FAM13A: variants seen among roughly 807,000 people sequenced by gnomAD.
FAM13A encodes the protein family with sequence similarity 13 member A, also known as protein FAM13A.
In FAM13A, 76 loss-of-function variants were observed where a neutral mutation model predicts 129.6. The ratio of observed to expected loss-of-function variants is 0.59; its 90% CI spans 0.49 to 0.71. The LOEUF (loss-of-function observed/expected upper bound fraction) is 0.71. FAM13A is among the 30% of genes least tolerant of loss of function. The probability of loss-of-function intolerance (pLI) is 0.00; values close to 1 mark genes in which losing one functional copy is unlikely to be tolerated. For missense variants in FAM13A, 1,108 were observed against 1,249.3 expected, an observed-to-expected ratio of 0.89 and a Z score of 1.70; for synonymous variants, 443 against 449.9, an observed-to-expected ratio of 0.98 and a Z score of 0.20.
At chr4:88,958,404 G>A (rs991083159) in intron 4 of FAM13A, among the ~76,000 whole-genome samples, 2 of 152,100 alleles carry the variant, frequency 1.3e-5, no homozygotes, top group Non-Finnish European at 2.9e-5. Context: ...ATACTTTGGA[G>A]CCTCTCACTG....
At chr4:88,805,956 C>T (rs1728471200) in intron 7 of FAM13A, among the ~76,000 whole-genome samples, 1 of 152,110 alleles carries the variant, frequency 6.6e-6, no homozygotes, top group Admixed American at 6.6e-5. Context: ...ACATGAGCCA[C>T]CATGCCTGGC....
chr4:89,045,987 G>A (rs1051960790), intron 1 of FAM13A, among the ~76,000 whole-genome samples: 1 of 144,100 alleles, frequency 6.9e-6, no homozygotes, highest in East Asian at 2.0e-4. Flanking sequence ...TTGCGCCATC[G>A]CACTCCAGCC....
intron 6 of FAM13A, among the ~76,000 whole-genome samples, chr4:88,876,623 GCT>G (rs1561226910): frequency 6.6e-6 from 1 of 151,366 alleles, no homozygotes; most frequent in African/African-American, 2.4e-5. Context: ...ACAGAGTCTC[GCT>G]CTGTCGCCGA....
intron 10 of FAM13A, 44 bp from the exon 11 acceptor site, chr4:88,781,395 T>C (rs1206337111): frequency 2.9e-6 from 4 of 1,382,746 alleles, no homozygotes; most frequent in Non-Finnish European, 4.0e-6. Context: ...AAAGATCAAA[T>C]GGTCATTGAA....
intron 13 of FAM13A, 99 bp downstream of exon 13, chr4:88,767,454 T>C (rs1745900595): frequency 1.3e-6 from 1 of 783,390 alleles, no homozygotes; most frequent in Non-Finnish European, 2.0e-6. Flanking sequence ...ATATTACTTA[T>C]CTCAATGTCC....
At chr4:88,993,863 G>T (rs907313879) in intron 3 of FAM13A, among the ~76,000 whole-genome samples, 1 of 151,960 alleles carries the variant, frequency 6.6e-6, no homozygotes, top group Admixed American at 6.6e-5. Context: ...AGCCAGGCAT[G>T]GTGGCTAATC....
intron 4 of FAM13A, among the ~76,000 whole-genome samples, chr4:88,945,964 CTGTGTGTG>C (rs763159585): frequency 1.4e-4 from 10 of 70,846 alleles, no homozygotes; most frequent in African/African-American, 6.1e-4. Context: ...CACATAGTAT[CTGTGTGTG>C]TGTGTGTGTG....
At chr4:89,001,354 C>T (rs756482487) in intron 3 of FAM13A, among the ~76,000 whole-genome samples, 3 of 152,100 alleles carry the variant, frequency 2.0e-5, no homozygotes, top group Non-Finnish European at 2.9e-5. Context: ...AATACGTAGA[C>T]ATCAAACCTT....
intron 3 of FAM13A, among the ~76,000 whole-genome samples, chr4:89,016,378 A>G (rs1400019041): frequency 6.6e-6 from 1 of 152,200 alleles, no homozygotes; most frequent in Non-Finnish European, 1.5e-5. Context: ...TAAAAAAGTT[A>G]CAGTAAGCTA....
intron 5 of FAM13A, among the ~76,000 whole-genome samples, chr4:88,930,238 G>T (rs1465581401): frequency 6.6e-6 from 1 of 152,108 alleles, no homozygotes; most frequent in East Asian, 1.9e-4. Context: ...GTGTCCTCTG[G>T]TGGTGTCCTA....
intron 4 of FAM13A, among the ~76,000 whole-genome samples, chr4:88,962,613 G>A (rs541097732): frequency 6.6e-6 from 1 of 152,148 alleles, no homozygotes; most frequent in Non-Finnish European, 1.5e-5. Context: ...TGGGCGGGGA[G>A]AGCGAGAGAG....
intron 5 of FAM13A, among the ~76,000 whole-genome samples, chr4:88,913,396 A>G (rs1749495362): frequency 7.2e-6 from 1 of 139,316 alleles, no homozygotes. Context: ...GGAGGAAGAC[A>G]AAGAAGAAGA....
At chr4:88,898,747 C>G (rs1199465973) in intron 6 of FAM13A, among the ~76,000 whole-genome samples, 1 of 151,026 alleles carries the variant, frequency 6.6e-6, no homozygotes, top group African/African-American at 2.4e-5. Context: ...GTCATGGTGG[C>G]TAATAATAAA....
At chr4:88,820,182 G>C (rs1033256637) in intron 7 of FAM13A, among the ~76,000 whole-genome samples, 2 of 152,170 alleles carry the variant, frequency 1.3e-5, no homozygotes, top group Non-Finnish European at 2.9e-5. Flanking sequence ...AAAACTGTAA[G>C]TTAAGTAGAC....
intron 8 of FAM13A, among the ~76,000 whole-genome samples, chr4:88,798,296 T>G (rs773919432): frequency 4.6e-5 from 7 of 152,214 alleles, no homozygotes; most frequent in Admixed American, 6.5e-5. Flanking sequence ...TTCTTCCCTT[T>G]ATCCCTTTCT....
At chr4:88,883,247 T>C (rs568265535) in intron 6 of FAM13A, among the ~76,000 whole-genome samples, 2 of 152,180 alleles carry the variant, frequency 1.3e-5, no homozygotes, top group Admixed American at 6.5e-5. Context: ...TTCTCCAAGA[T>C]AGACCACACG....
At chr4:88,733,400 T>C (rs1454598325) in intron 21 of FAM13A, among the ~76,000 whole-genome samples, 1 of 152,226 alleles carries the variant, frequency 6.6e-6, no homozygotes, top group Non-Finnish European at 1.5e-5. Flanking sequence ...AGACCTTGAG[T>C]CTCTTTAAAT....
At chr4:88,958,252 A>G (rs1238354857) in intron 4 of FAM13A, among the ~76,000 whole-genome samples, 2 of 152,184 alleles carry the variant, frequency 1.3e-5, no homozygotes, top group Admixed American at 6.5e-5. Flanking sequence ...GAGGCCTAGG[A>G]AAAAAGAATG....
chr4:88,950,679 T>G (rs1009469614), intron 4 of FAM13A, among the ~76,000 whole-genome samples: 2 of 152,230 alleles, frequency 1.3e-5, no homozygotes, highest in Non-Finnish European at 2.9e-5. Flanking sequence ...TGTATACTAT[T>G]TATCTGAAAT....
Sources: allele counts gnomAD v4.1 joint callset (sites outside exome capture counted in the v4.1 genomes callset), GRCh38; gene constraint gnomAD v4.1.1; transcripts MANE v1.5; gene names NCBI Gene and HGNC (gene_info 2026-07-23, HGNC 2026-07-21).